ZHX2: variants seen among roughly 807,000 people sequenced by gnomAD.
ZHX2 encodes the protein zinc fingers and homeoboxes 2.
Under a neutral mutation model 21.9 loss-of-function variants are expected in ZHX2, and 6 were observed. That is an observed-to-expected ratio of 0.27 (90% CI 0.15 to 0.54). ZHX2 has a LOEUF of 0.54. Ranked by LOEUF, ZHX2 falls within the 20% of genes least tolerant of loss-of-function variation. The pLI, the probability that ZHX2 is intolerant of heterozygous loss-of-function variation, is 0.95. For missense variants in ZHX2, 908 were observed against 1,090.7 expected (o/e 0.83, Z 2.36); for synonymous variants, 434 against 437.1 (o/e 0.99, Z 0.09).
At chr8:122,792,501 C>A (rs1225074470) in intron 1 of ZHX2, among the ~76,000 whole-genome samples, 1 of 152,142 alleles carries the variant, frequency 6.6e-6, no homozygotes, top group Non-Finnish European at 1.5e-5. Flanking sequence ...AGTGGAATTG[C>A]TGGGTTGTAT....
chr8:122,916,235 G>A (rs1820598732), intron 2 of ZHX2, among the ~76,000 whole-genome samples: 3 of 152,222 alleles, frequency 2.0e-5, no homozygotes, highest in Non-Finnish European at 4.4e-5. Flanking sequence ...AACGAGGCGA[G>A]AACAAGAAGA....
At position 122,782,371 on chromosome 8, in the gene ZHX2, G is replaced by C. The variant is rs1389955689; in HGVS notation, c.-283+425G>C. Among the ~76,000 whole-genome samples the C allele has an allele frequency of 6.6e-6, 1 of 152,040 alleles. No homozygotes were observed. Among genetic ancestry groups the C allele is most frequent in the Non-Finnish European group, 1.5e-5 (1 of 68,010 alleles). On this transcript the variant is annotated intron_variant, in intron 1 of 3. Transcript: ENST00000314393. The surrounding 1 kb of genome is among the most constrained non-coding windows in gnomAD (Gnocchi z 5.3). ...CCGACTGTTTTTATTTATTTATTTC[G>C]TGGCCGTCTCCCTCCCTTCTTGGCC...
In ZHX2 at chr8:122,953,746, G is replaced by A. The variant is rs147430109; in HGVS notation, c.2236G>A (p.Val746Met). Residue 746 changes from valine to methionine, a missense_variant, in exon 3 of 4, where the codon GTG (valine) becomes ATG (methionine). Physicochemically the swap from Val to Met is conservative, Grantham distance 21. This residue lies in a region of ZHX2 where 431 missense variants were observed against 428.6 expected (regional missense o/e 1.01). Coordinates refer to ENST00000314393, the MANE Select transcript of ZHX2 (RefSeq NM_014943.5). This position sits in a 1 kb window ranked among gnomAD's most constrained non-coding sequence, Gnocchi z 4.6. ...CTGCGAAGAGGACTTGGAGAAGTTG[G>A]TGACCAGGGTAAAAGTAGGCAGCGA... is the stretch of plus-strand genomic sequence containing the variant. ...KLCEEDLEKL[V>M]TRVKVGSEPA... The A allele has an allele frequency of 8.1e-6, 13 of 1,614,260 alleles. No individual in the cohort carries two copies. In the South Asian group the frequency reaches 8.8e-5, roughly 11 times the overall value.
At chr8:122,871,981 G>T (rs1819453235) in intron 2 of ZHX2, among the ~76,000 whole-genome samples, 1 of 152,130 alleles carries the variant, frequency 6.6e-6, no homozygotes, top group African/African-American at 2.4e-5. Flanking sequence ...GCATCACCCG[G>T]GTTCTTTTCA....
At chr8:122,803,267 G>A (rs544839903) in intron 1 of ZHX2, among the ~76,000 whole-genome samples, 31 of 152,166 alleles carry the variant, frequency 2.0e-4, no homozygotes, top group Non-Finnish European at 4.1e-4. Flanking sequence ...ACTATGTGGT[G>A]CCTTTTCGTT....
intron 2 of ZHX2, among the ~76,000 whole-genome samples, chr8:122,944,608 T>G (rs1484098146): frequency 1.3e-5 from 2 of 152,110 alleles, no homozygotes; most frequent in Non-Finnish European, 2.9e-5. Flanking sequence ...CTTACTCTCC[T>G]CCATGGTGAG....
At chr8:122,970,083 G>A (rs900272885) in intron 3 of ZHX2, among the ~76,000 whole-genome samples, 33 of 152,102 alleles carry the variant, frequency 2.2e-4, no homozygotes, top group Non-Finnish European at 4.7e-4. Flanking sequence ...GAGGCCATAA[G>A]GAAATGCCTG....
chr8:122,876,641 G>A (rs187001539), intron 2 of ZHX2, among the ~76,000 whole-genome samples: 1 of 152,154 alleles, frequency 6.6e-6, no homozygotes, highest in Non-Finnish European at 1.5e-5. Flanking sequence ...ATGTCACAAC[G>A]GCTCCACGAG....
At chr8:122,971,628 A>T in intron 3 of ZHX2, among the ~76,000 whole-genome samples, 1 of 151,268 alleles carries the variant, frequency 6.6e-6, no homozygotes. Flanking sequence ...AAAAAAAAAA[A>T]AAAATTCCTT....
At chr8:122,931,688 G>A (rs1310600106) in intron 2 of ZHX2, among the ~76,000 whole-genome samples, 1 of 152,060 alleles carries the variant, frequency 6.6e-6, no homozygotes, top group Non-Finnish European at 1.5e-5. Context: ...AGATCACCTA[G>A]GGAACTTCAA....
intron 1 of ZHX2, among the ~76,000 whole-genome samples, chr8:122,789,297 T>C (rs1817464058): frequency 6.6e-6 from 1 of 152,190 alleles, no homozygotes; most frequent in Non-Finnish European, 1.5e-5. Flanking sequence ...GAAAACTCCT[T>C]TCAGCTGATA....
At chr8:122,832,626 C>CT (rs1303181109) in intron 1 of ZHX2, among the ~76,000 whole-genome samples, 1 of 152,078 alleles carries the variant, frequency 6.6e-6, no homozygotes, top group Non-Finnish European at 1.5e-5. Flanking sequence ...CCTTTAGCAG[C>CT]TTAGTATAAC....
At chr8:122,851,190 G>T (rs1818888716) in intron 1 of ZHX2, among the ~76,000 whole-genome samples, 1 of 152,164 alleles carries the variant, frequency 6.6e-6, no homozygotes, top group Non-Finnish European at 1.5e-5. Context: ...AGACAGAACG[G>T]CCAAGATTTA....
intron 1 of ZHX2, among the ~76,000 whole-genome samples, chr8:122,791,332 T>TG (rs900047459): frequency 6.6e-6 from 1 of 152,138 alleles, no homozygotes; most frequent in Non-Finnish European, 1.5e-5. Context: ...ATCCAAGACT[T>TG]GAAGAGTTTC....
chr8:122,848,771 C>A (rs897714227), intron 1 of ZHX2, among the ~76,000 whole-genome samples: 3 of 152,188 alleles, frequency 2.0e-5, no homozygotes, highest in African/African-American at 7.2e-5. Context: ...TGGCTGGCAG[C>A]GGTTCTGAGG....
chr8:122,969,414 C>G (rs55779844), intron 3 of ZHX2, among the ~76,000 whole-genome samples: 9 of 152,070 alleles, frequency 5.9e-5, no homozygotes, highest in African/African-American at 1.4e-4. Context: ...CACTGCCCCC[C>G]CCAAAAATAG....
intron 3 of ZHX2, among the ~76,000 whole-genome samples, chr8:122,956,548 G>T (rs117011634): frequency 0.053 from 8,014 of 152,154 alleles, 305 homozygotes; most frequent in South Asian, 0.09. Context: ...AAGGGAAAGA[G>T]GGGTCCACAT....
intron 2 of ZHX2, among the ~76,000 whole-genome samples, chr8:122,937,857 C>T (rs1019677510): frequency 1.3e-5 from 2 of 151,704 alleles, no homozygotes; most frequent in East Asian, 3.9e-4. Context: ...GCTGGGATTA[C>T]AGGCATGAGC....
At chr8:122,879,502 G>A (rs766206311) in intron 2 of ZHX2, among the ~76,000 whole-genome samples, 6 of 133,010 alleles carry the variant, frequency 4.5e-5, no homozygotes, top group Non-Finnish European at 7.6e-5. Flanking sequence ...ACTGCACCGG[G>A]CTGGTTTTTT....
Sources: allele counts gnomAD v4.1 joint callset (sites outside exome capture counted in the v4.1 genomes callset), GRCh38; gene constraint gnomAD v4.1.1; regional missense constraint gnomAD v4.1.1; non-coding constraint Gnocchi (gnomAD v3.1); transcripts MANE v1.5; gene names NCBI Gene and HGNC (gene_info 2026-07-23, HGNC 2026-07-21).